Variants in ZNF717 observed in about 807,000 individuals in gnomAD.
ZNF717 encodes the protein zinc finger protein 717, also known as krueppel-like factor X17.
ZNF717 carries 9 observed loss-of-function variants against 13.8 expected under a neutral mutation model. The observed-to-expected ratio is 0.65, with a 90% CI of 0.39 to 1.14. ZNF717 has a LOEUF of 1.14. Ranked by LOEUF, ZNF717 falls within the 50% of genes most tolerant of loss-of-function variation. The pLI is 0.01. For synonymous variants in ZNF717, 327 were observed against 364.1 expected, an observed-to-expected ratio of 0.90 and a Z score of 1.16; for missense variants, 1,040 against 1,080.7, an observed-to-expected ratio of 0.96 and a Z score of 0.53.
intron 4 of ZNF717, among the ~76,000 whole-genome samples, chr3:75,741,059 G>C (rs1432945404): frequency 1.3e-5 from 2 of 152,174 alleles, no homozygotes; most frequent in Non-Finnish European, 2.9e-5. Context: ...GGCAGGGATT[G>C]GATTTGGGGT....
chr3:75,757,720 G>A (rs1942613868), intron 2 of ZNF717, among the ~76,000 whole-genome samples: 1 of 152,088 alleles, frequency 6.6e-6, no homozygotes, highest in East Asian at 1.9e-4. Flanking sequence ...TCCTTTGATG[G>A]ATCTAGGCAA....
At chr3:75,704,412 A>G (rs1405595049) in intron 6 of ZNF717, among the ~76,000 whole-genome samples, 4 of 152,420 alleles carry the variant, frequency 2.6e-5, no homozygotes, top group African/African-American at 7.2e-5. Flanking sequence ...CACAGAATCA[A>G]TCAGCTGGCA....
chr3:75,711,951 A>G (rs1937947697), intron 5 of ZNF717, among the ~76,000 whole-genome samples: 1 of 152,256 alleles, frequency 6.6e-6, no homozygotes, highest in Admixed American at 6.5e-5. Flanking sequence ...ATTTCATGCA[A>G]CCAGAATCAT....
At chr3:75,767,738 A>G (rs1433696386) in intron 2 of ZNF717, among the ~76,000 whole-genome samples, 4 of 152,242 alleles carry the variant, frequency 2.6e-5, no homozygotes, top group Non-Finnish European at 5.9e-5. Flanking sequence ...GAATGTGGAA[A>G]GTGCTACCAG....
chr3:75,770,095 C>T (rs1435234115), intron 2 of ZNF717, among the ~76,000 whole-genome samples: 1 of 152,190 alleles, frequency 6.6e-6, no homozygotes, highest in Non-Finnish European at 1.5e-5. Flanking sequence ...CTAAGGATGT[C>T]ATCACAGTGC....
At chr3:75,754,130 C>T (rs1352640433) in intron 2 of ZNF717, among the ~76,000 whole-genome samples, 1 of 152,260 alleles carries the variant, frequency 6.6e-6, no homozygotes, top group Non-Finnish European at 1.5e-5. Context: ...GCACTTTAGT[C>T]TTGGACTTTC....
intron 2 of ZNF717, among the ~76,000 whole-genome samples, chr3:75,750,380 A>AGC: frequency 1.1e-4 from 17 of 151,834 alleles, no homozygotes; most frequent in African/African-American, 4.1e-4. Flanking sequence ...AGGATTCCAG[A>AGC]ACTATGTTAC....
At chr3:75,700,702 G>C (rs1575758432) in intron 6 of ZNF717, among the ~76,000 whole-genome samples, 1 of 152,302 alleles carries the variant, frequency 6.6e-6, no homozygotes, top group African/African-American at 2.4e-5. Context: ...GACAGGTTTT[G>C]TAATCAATAG....
intron 2 of ZNF717, among the ~76,000 whole-genome samples, chr3:75,771,742 G>A (rs1396067459): frequency 4.6e-5 from 7 of 152,228 alleles, no homozygotes; most frequent in African/African-American, 1.4e-4. Flanking sequence ...AAATTGGCAG[G>A]CAGGAGCCCC....
At chr3:75,733,216 A>G (rs1413952570), downstream of ZNF717, among the ~76,000 whole-genome samples, 5 of 152,260 alleles carry the variant, frequency 3.3e-5, no homozygotes, top group African/African-American at 1.2e-4. Context: ...ACTGTGGGAC[A>G]GCTAGAAAAG....
chr3:75,763,680 A>G (rs1013302650), intron 2 of ZNF717, among the ~76,000 whole-genome samples: 16 of 152,270 alleles, frequency 1.1e-4, no homozygotes, highest in African/African-American at 3.9e-4. Context: ...AAATAATCAC[A>G]GAAGAAAACT....
chr3:75,707,313 C>T (rs1380706394), downstream of ZNF717, among the ~76,000 whole-genome samples: 1 of 152,166 alleles, frequency 6.6e-6, no homozygotes, highest in Non-Finnish European at 1.5e-5. Flanking sequence ...ACAATACTCC[C>T]ATGTTACCAG....
chr3:75,734,593 C>T (rs370003196), downstream of ZNF717, among the ~76,000 whole-genome samples: 9 of 150,584 alleles, frequency 6.0e-5, no homozygotes, highest in East Asian at 8.0e-4. Flanking sequence ...CCACCACACC[C>T]GGCTAATTTT....
intron 2 of ZNF717, among the ~76,000 whole-genome samples, chr3:75,780,716 T>A (rs546873293): frequency 3.2e-4 from 48 of 152,356 alleles, no homozygotes; most frequent in African/African-American, 9.1e-4. Context: ...AGGAATTTTT[T>A]AAGCAAAATT....
chr3:75,752,702 G>A lies in ZNF717; in HGVS notation c.58-10966C>T, dbSNP rs75315845. ...GTCTGAATGTTTGTCCCTCACATAGGATTCCAGAACACTCCTGCTATGGTC... is the reference window on the plus strand; with the variant it reads ...GTCTGAATGTTTGTCCCTCACATAGAATTCCAGAACACTCCTGCTATGGTC... On this transcript the variant is annotated intron_variant, in intron 2 of 4. Coordinates refer to ENST00000652011, the MANE Select transcript of ZNF717 (RefSeq NM_001290208.3). 1.5e-4 allele frequency among the ~76,000 whole-genome samples: 21 copies of A among 142,340 alleles called. No individual in the cohort carries two copies. The Admixed American group carries it at 1.5e-3, about 10-fold the overall frequency. The allele number at this position is 142,340 out of a possible 152,430, so 93.4% of individuals were successfully genotyped here. A position where few individuals can be genotyped will look rare whatever the true frequency, so the allele number is the denominator to read the frequency against.
chr3:75,719,567 T>G (rs139649536), intron 4 of ZNF717, among the ~76,000 whole-genome samples: 32 of 150,710 alleles, frequency 2.1e-4, no homozygotes, highest in Non-Finnish European at 3.3e-4. Context: ...TGTTCTTGAT[T>G]AACAGTGAGA....
exon 6 of ZNF717, chr3:75,709,910 T>C (rs1443427793): frequency 6.6e-6 from 1 of 152,206 alleles, no homozygotes; most frequent in Non-Finnish European, 1.5e-5. Context: ...CTATTTTGGT[T>C]TTTGTTCTCA....
downstream of ZNF717, among the ~76,000 whole-genome samples, chr3:75,729,615 C>CAAAAAAAA (rs369485280): frequency 6.1e-5 from 7 of 115,552 alleles, no homozygotes; most frequent in Admixed American, 8.9e-5. Flanking sequence ...AACTCCATAT[C>CAAAAAAAA]AAAAAAAAAA....
At chr3:75,721,876 ATCTT>A (rs1938174173) in intron 4 of ZNF717, among the ~76,000 whole-genome samples, 1 of 152,018 alleles carries the variant, frequency 6.6e-6, no homozygotes, top group Non-Finnish European at 1.5e-5. Flanking sequence ...CAACTTCCAA[ATCTT>A]TCTCTCTCAC....
Sources: gnomAD v4.1 joint callset for allele counts (sites outside exome capture counted in the v4.1 genomes callset) on GRCh38, gnomAD v4.1.1 for gene constraint, MANE v1.5 for transcripts, NCBI Gene and HGNC (gene_info 2026-07-23, HGNC 2026-07-21) for gene names.